Variants in TBC1D10C observed in about 807,000 individuals in gnomAD.
TBC1D10C encodes carabin.
In TBC1D10C, 49 loss-of-function variants were observed where a neutral mutation model predicts 51.0. That is an observed-to-expected ratio of 0.96 (90% CI 0.76 to 1.22). TBC1D10C has a LOEUF of 1.22. Among genes scored for constraint, TBC1D10C ranks in the 50% most tolerant of loss-of-function variants. TBC1D10C has a pLI of 0.00. For synonymous variants in TBC1D10C, 281 were observed against 266.7 expected, an observed-to-expected ratio of 1.05 and a Z score of -0.52; for missense variants, 541 against 617.5, an observed-to-expected ratio of 0.88 and a Z score of 1.31.
intron 1 of TBC1D10C, chr11:67,404,814 G>C (rs1223149328): frequency 1.1e-5 from 5 of 452,024 alleles, no homozygotes; most frequent in Non-Finnish European, 2.0e-5. Context: ...TGAATTGTCT[G>C]TGTCCCTGTC....
At chr11:67,406,078 C>G (rs1193329104) in intron 5 of TBC1D10C, 61 bp downstream of exon 5, 1 of 1,387,406 alleles carries the variant, frequency 7.2e-7, no homozygotes, top group Non-Finnish European at 9.6e-7. Flanking sequence ...AACCCCATCC[C>G]CAGGAACTGT....
intron 7 of TBC1D10C, 42 bp from the exon 8 acceptor site, chr11:67,408,937 G>C (rs778937580): frequency 3.0e-5 from 46 of 1,524,464 alleles, no homozygotes; most frequent in Non-Finnish European, 2.8e-5. Flanking sequence ...AACTGTGGAG[G>C]GGCAGGGCCG....
intron 2 of TBC1D10C, 79 bp downstream of exon 2, chr11:67,405,263 C>T (rs917749815): frequency 1.3e-6 from 2 of 1,506,034 alleles, no homozygotes; most frequent in Non-Finnish European, 1.8e-6. Flanking sequence ...AAAATGTACC[C>T]ACCCTGTGTC....
chr11:67,409,135 T>C lies in TBC1D10C; in HGVS notation c.993+2T>C. 1 of 1,588,144 alleles carries C rather than the reference T, an allele frequency of 6.3e-7. No individual in the cohort carries two copies. The highest frequency in any genetic ancestry group is 8.6e-7 in the Non-Finnish European group (1 of 1,168,586). ...CAGGAGGAGGCCTTCATGTCACAGGTGGGTACCCCCACCTCTCCTTGGACT... is the reference window on the plus strand; with the variant it reads ...CAGGAGGAGGCCTTCATGTCACAGGCGGGTACCCCCACCTCTCCTTGGACT... On this transcript the variant is annotated splice_donor_variant, in intron 8 of 8. Transcript: ENST00000542590. LOFTEE classifies it high-confidence loss of function.
chr11:67,404,360 G>A lies in TBC1D10C; in HGVS notation c.152+6G>A. The A allele has an allele frequency of 6.4e-7, 1 of 1,566,322 alleles. No homozygotes were observed. Among genetic ancestry groups the A allele is most frequent in the Non-Finnish European group, 8.7e-7 (1 of 1,149,614 alleles). On this transcript the variant is annotated splice_donor_region_variant and intron_variant, in intron 1 of 8. Coordinates refer to ENST00000542590, the MANE Select transcript of TBC1D10C (RefSeq NM_001369496.1). ...GGCAGCTCAGCAGAGCCAGGGTAAG[G>A]GGGCAGGGTGAGGGCTGGCGGAATG...
At position 67,409,148 on chromosome 11, in the gene TBC1D10C, C is replaced by T; in HGVS notation, c.993+15C>T. The stretch of plus-strand genomic sequence containing the variant: ...TCATGTCACAGGTGGGTACCCCCAC[C>T]TCTCCTTGGACTTGCCCAGCCCCTG... On this transcript the variant is annotated intron_variant, in intron 8 of 8. Transcript: ENST00000542590. 13 of 1,578,368 alleles carry T rather than the reference C, an allele frequency of 8.2e-6. No individual in the cohort carries two copies. The highest frequency in any genetic ancestry group is 1.0e-5 in the Non-Finnish European group (12 of 1,163,562).
intron 7 of TBC1D10C, 160 bp from the exon 8 acceptor site, chr11:67,408,819 C>T: frequency 3.2e-6 from 3 of 935,034 alleles, no homozygotes; most frequent in Non-Finnish European, 4.5e-6. Flanking sequence ...GTACAGCGGC[C>T]TGTGTTACCC....
rs775234066 is a variant in TBC1D10C at position 67,409,432 on chromosome 11, G to A, written c.1019G>A (p.Arg340Gln). The A allele has an allele frequency of 7.1e-6, 11 of 1,549,010 alleles. No homozygotes were observed. The highest frequency in any genetic ancestry group is 1.8e-4 in the Middle Eastern group (1 of 5,590). Residue 340 changes from arginine (R) to glutamine (Q), a missense_variant, in exon 9 of 9, where the codon CGG becomes CAG. Coordinates refer to ENST00000542590, the MANE Select transcript of TBC1D10C (RefSeq NM_001369496.1). ...GTGCACAGCGTGGTGCTGTCAGAGC[G>A]GGACCTGCAGCGGGAGATCAAGGCC... ...SQVHSVVLSE[R>Q]DLQREIKAQL... is the part of the protein sequence containing the mutation.
At chr11:67,409,242 T>C (rs1863335731) in intron 8 of TBC1D10C, 109 bp downstream of exon 8, 4 of 1,425,982 alleles carry the variant, frequency 2.8e-6, no homozygotes, top group South Asian at 2.9e-5. Flanking sequence ...TCCTGTCCCC[T>C]GAGCTTCAGA....
Position 67,409,136 on chromosome 11 carries a change from G to T in TBC1D10C, c.993+3G>T. 6.3e-7 allele frequency: 1 copy of T among 1,587,846 alleles called. No individual in the cohort carries two copies. Among genetic ancestry groups the T allele is most frequent in the East Asian group, 2.3e-5 (1 of 44,326 alleles). ...AGGAGGAGGCCTTCATGTCACAGGT[G>T]GGTACCCCCACCTCTCCTTGGACTT... On this transcript the variant is annotated splice_donor_region_variant and intron_variant, in intron 8 of 8. Transcript: ENST00000542590.
chr11:67,409,074 C>T lies in TBC1D10C; in HGVS notation c.934C>T (p.Leu312=), dbSNP rs758395996. ...GGCCTGCCCTGGCCTCCTGGAGACA[C>T]TGGGAGCCCTTCGAGCCATCCCCCC... is the stretch of plus-strand genomic sequence containing the variant. ...RGACPGLLET[L]GALRAIPPAQ... The change falls in exon 8 of 9, where the codon CTG becomes TTG. Residue 312 remains leucine, a synonymous_variant. Transcript: ENST00000542590. The T allele has an allele frequency of 6.2e-7, 1 of 1,604,124 alleles. No individual in the cohort carries two copies. Among genetic ancestry groups the T allele is most frequent in the Non-Finnish European group, 8.5e-7 (1 of 1,176,878 alleles).
chr11:67,406,316 G>A (rs1863162110), intron 5 of TBC1D10C: 1 of 511,996 alleles, frequency 2.0e-6, no homozygotes, highest in Non-Finnish European at 3.4e-6. Flanking sequence ...CAAAGACCCA[G>A]AAACCCAGGA....
At chr11:67,407,370 A>T in intron 7 of TBC1D10C, 2 of 251,020 alleles carry the variant, frequency 8.0e-6, no homozygotes, top group East Asian at 8.0e-5. Context: ...GAATCAAGTG[A>T]TCGAGACCTT....
chr11:67,405,018 AG>A (rs1312245046), intron 1 of TBC1D10C, 66 bp from the exon 2 acceptor site: 9 of 1,430,434 alleles, frequency 6.3e-6, no homozygotes, highest in Non-Finnish European at 7.6e-6. Context: ...GGTAGCCTGG[AG>A]GGTGGCAGTG....
At chr11:67,408,736 G>T in intron 7 of TBC1D10C, 1 of 455,786 alleles carries the variant, frequency 2.2e-6, no homozygotes, top group Non-Finnish European at 3.8e-6. Flanking sequence ...GGGATGGGAG[G>T]CGACAGTAAC....
At chr11:67,409,225 A>C (rs1258300261) in intron 8 of TBC1D10C, 92 bp downstream of exon 8, 1 of 1,449,898 alleles carries the variant, frequency 6.9e-7, no homozygotes, top group African/African-American at 1.4e-5. Flanking sequence ...GAGAATGGGG[A>C]CTTAGTTCCT....
Position 67,409,100 on chromosome 11 carries a change from C to T in TBC1D10C, c.960C>T (p.Pro320=), listed in dbSNP as rs140449515. The T allele has an allele frequency of 1.6e-5, 26 of 1,600,180 alleles. No homozygotes were observed. Among genetic ancestry groups the T allele is most frequent in the South Asian group, 5.6e-5 (5 of 89,526 alleles). The change falls in exon 8 of 9, where the codon CCC becomes CCT. Residue 320 remains proline, a synonymous_variant. Transcript: ENST00000542590. The part of the protein sequence containing the change: ...ETLGALRAIP[P]AQLQEEAFMS... Reference sequence around the variant, plus strand: ...TGGGAGCCCTTCGAGCCATCCCCCCCGCGCAGCTGCAGGAGGAGGCCTTCA... The same window carrying T: ...TGGGAGCCCTTCGAGCCATCCCCCCTGCGCAGCTGCAGGAGGAGGCCTTCA...
chr11:67,409,143 C>G lies in TBC1D10C; in HGVS notation c.993+10C>G. ...GGCCTTCATGTCACAGGTGGGTACCCCCACCTCTCCTTGGACTTGCCCAGC... is the reference window on the plus strand; with the variant it reads ...GGCCTTCATGTCACAGGTGGGTACCGCCACCTCTCCTTGGACTTGCCCAGC... On this transcript the variant is annotated intron_variant, in intron 8 of 8. Coordinates refer to ENST00000542590, the MANE Select transcript of TBC1D10C (RefSeq NM_001369496.1). 6.3e-7 allele frequency: 1 copy of G among 1,581,060 alleles called. No individual in the cohort carries two copies. Among genetic ancestry groups the G allele is most frequent in the South Asian group, 1.1e-5 (1 of 87,036 alleles).
At chr11:67,410,090 T>C, downstream of TBC1D10C, 1 of 249,434 alleles carries the variant, frequency 4.0e-6, no homozygotes, top group Non-Finnish European at 7.8e-6. Context: ...CTTGAACAGA[T>C]GCCTTGGATG....
Sources: allele counts gnomAD v4.1 joint callset, GRCh38; gene constraint gnomAD v4.1.1; transcripts MANE v1.5; gene names NCBI Gene and HGNC (gene_info 2026-07-23, HGNC 2026-07-21).